The following TRAK1 variants were observed in gnomAD, a reference collection of about 807,000 sequenced individuals.
TRAK1 encodes trafficking kinesin protein 1.
TRAK1 carries 33 observed loss-of-function variants against 92.1 expected under a neutral mutation model. That is an observed-to-expected ratio of 0.36 (90% CI 0.27 to 0.48). The LOEUF (loss-of-function observed/expected upper bound fraction) is 0.48. Ranked by LOEUF, TRAK1 falls within the 20% of genes least tolerant of loss-of-function variation. The pLI, the probability that TRAK1 is intolerant of heterozygous loss-of-function variation, is 0.99. For synonymous variants in TRAK1, 521 were observed against 517.3 expected (o/e 1.01, Z -0.10); for missense variants, 1,123 against 1,257.9 (o/e 0.89, Z 1.62).
At chr3:42,099,286 G>A (rs1057233901) in intron 1 of TRAK1, among the ~76,000 whole-genome samples, 21 of 152,184 alleles carry the variant, frequency 1.4e-4, no homozygotes, top group African/African-American at 4.8e-4. Flanking sequence ...GCATAGGCGG[G>A]GGTAACCCAG....
At chr3:42,110,362 G>A (rs1708222284) in intron 1 of TRAK1, among the ~76,000 whole-genome samples, 1 of 151,692 alleles carries the variant, frequency 6.6e-6, no homozygotes, top group Non-Finnish European at 1.5e-5. Flanking sequence ...GCTAAGGTGA[G>A]CACAGGAGAA....
intron 3 of TRAK1, among the ~76,000 whole-genome samples, chr3:42,178,083 A>G (rs1219858620): frequency 5.9e-5 from 9 of 152,108 alleles, no homozygotes; most frequent in African/African-American, 4.8e-5. Flanking sequence ...GTTTCCCCCA[A>G]CAGTGCTCTC....
At chr3:42,147,887 T>A (rs538607108) in intron 2 of TRAK1, among the ~76,000 whole-genome samples, 1 of 152,158 alleles carries the variant, frequency 6.6e-6, no homozygotes, top group Non-Finnish European at 1.5e-5. Context: ...CAGCTTCCAG[T>A]GATTTAGGAA....
In TRAK1 at chr3:42,039,394, C is replaced by T. The variant is rs138325028; in HGVS notation, c.-519+25277C>T. On this transcript the variant is annotated intron_variant, in intron 1 of 16. Coordinates refer to the TRAK1 transcript ENST00000487159. ...TTATTTATTTCTTGAAATGGAGTCT[C>T]GTTCTGTCACCCAGGCTGGAGTGCA... Among the ~76,000 whole-genome samples the T allele has an allele frequency of 4.0e-4, 61 of 152,180 alleles. 1 individual carries two copies. In the South Asian group the frequency reaches 7.9e-3, roughly 20 times the overall value.
intron 1 of TRAK1, among the ~76,000 whole-genome samples, chr3:42,071,060 C>T (rs1398344575): frequency 1.3e-5 from 2 of 152,146 alleles, no homozygotes; most frequent in African/African-American, 2.4e-5. Context: ...GGACAAATAA[C>T]TCCTTGGGGT....
chr3:42,062,761 G>T (rs965089471), intron 1 of TRAK1, among the ~76,000 whole-genome samples: 8 of 152,186 alleles, frequency 5.3e-5, no homozygotes, highest in Non-Finnish European at 1.2e-4. Flanking sequence ...ATTCTCATCA[G>T]TGAAGTCTTC....
chr3:42,103,992 TC>T (rs1707170402), intron 1 of TRAK1, among the ~76,000 whole-genome samples: 1 of 152,100 alleles, frequency 6.6e-6, no homozygotes. Flanking sequence ...TTTCCAATGG[TC>T]TTAGCAAATA....
rs935163487 is a variant in TRAK1, at chr3:42,138,618, G to A, written c.286+13004G>A. ...AATAGAGACACTGGCCAGATGTGGC[G>A]GCTCACACCTATAATCCCAGCACTC... On this transcript the variant is annotated intron_variant, in intron 2 of 15. Transcript: ENST00000327628. 4.6e-5 allele frequency among the ~76,000 whole-genome samples: 7 copies of A among 151,468 alleles called. No individual in the cohort carries two copies. In the South Asian group the frequency reaches 8.3e-4, roughly 18 times the overall value.
intron 1 of TRAK1, among the ~76,000 whole-genome samples, chr3:42,112,136 T>C (rs1470180940): frequency 4.7e-5 from 1 of 21,438 alleles, no homozygotes; most frequent in Non-Finnish European, 8.4e-5. Flanking sequence ...CAGCTCTTAC[T>C]TTTTTTTTTT....
At chr3:42,072,762 C>T (rs949746256) in intron 1 of TRAK1, among the ~76,000 whole-genome samples, 1 of 152,056 alleles carries the variant, frequency 6.6e-6, no homozygotes, top group Admixed American at 6.5e-5. Context: ...TTACTGAGGG[C>T]AGTGCATGTG....
intron 10 of TRAK1, among the ~76,000 whole-genome samples, chr3:42,197,227 G>C (rs1463198): frequency 0.77 from 117,161 of 151,876 alleles, 45,470 homozygotes; most frequent in East Asian, 0.99. Context: ...AGTCATCCCT[G>C]AGTATCTGAG....
upstream of TRAK1, among the ~76,000 whole-genome samples, chr3:42,088,861 G>A (rs896275447): frequency 6.6e-6 from 1 of 152,174 alleles, no homozygotes. Flanking sequence ...GAAGGGCCCG[G>A]GGCCCAGCCT....
At chr3:42,137,739 G>C (rs1698130548) in intron 2 of TRAK1, among the ~76,000 whole-genome samples, 1 of 152,174 alleles carries the variant, frequency 6.6e-6, no homozygotes, top group Non-Finnish European at 1.5e-5. Flanking sequence ...CTGCTTTATA[G>C]TGAAGCTTTT....
In TRAK1 at chr3:42,149,627, C is replaced by T. The variant is rs764122340; in HGVS notation, c.286+24013C>T. 183 of 1,535,654 alleles carry T rather than the reference C, an allele frequency of 1.2e-4. 1 individual carries two copies. Among genetic ancestry groups the T allele is most frequent in the South Asian group, 5.9e-4 (50 of 84,036 alleles). ...AATTATGGCCCCTGCAAAACAGAGCCGGGATGTATAGGGGTATTGTCTCCT... is the reference window on the plus strand; with the variant it reads ...AATTATGGCCCCTGCAAAACAGAGCTGGGATGTATAGGGGTATTGTCTCCT... On this transcript the variant is annotated intron_variant, in intron 2 of 15. Coordinates refer to ENST00000327628, the MANE Select transcript of TRAK1 (RefSeq NM_001042646.3).
intron 7 of TRAK1, 89 bp downstream of exon 7, chr3:42,191,725 C>G (rs895156794): frequency 7.1e-7 from 1 of 1,405,204 alleles, no homozygotes; most frequent in African/African-American, 1.4e-5. Flanking sequence ...AGTGCAGTCT[C>G]CTGCCAGCCT....
chr3:42,058,924 AT>A (rs1703311950), intron 1 of TRAK1, among the ~76,000 whole-genome samples: 1 of 152,182 alleles, frequency 6.6e-6, no homozygotes, highest in African/African-American at 2.4e-5. Flanking sequence ...ATCTTAAGAG[AT>A]TTACTCTTTA....
At chr3:42,203,594 T>C (rs1305445188) in intron 13 of TRAK1, 26 of 985,110 alleles carry the variant, frequency 2.6e-5, no homozygotes, top group Non-Finnish European at 3.1e-5. Flanking sequence ...TATTTTTCAT[T>C]TTTTACTCCT....
intron 1 of TRAK1, among the ~76,000 whole-genome samples, chr3:42,098,450 C>G (rs1706260083): frequency 1.3e-5 from 2 of 152,136 alleles, no homozygotes; most frequent in South Asian, 2.1e-4. Context: ...TGCAGTAAGT[C>G]TTTTGAATTA....
chr3:42,182,775 C>T (rs972732345), intron 3 of TRAK1, among the ~76,000 whole-genome samples: 2 of 152,186 alleles, frequency 1.3e-5, no homozygotes, highest in Non-Finnish European at 2.9e-5. Flanking sequence ...AGTGAAGTTC[C>T]TGTGGTTAGC....
Sources: allele counts gnomAD v4.1 joint callset (sites outside exome capture counted in the v4.1 genomes callset), GRCh38; gene constraint gnomAD v4.1.1; transcripts MANE v1.5; gene names NCBI Gene and HGNC (gene_info 2026-07-23, HGNC 2026-07-21).